The following ZNF197 variants were observed in gnomAD, a reference collection of about 807,000 sequenced individuals.
The protein encoded by ZNF197 is zinc finger protein 197, also known as VHL-associated KRAB-A domain-containing protein.
In ZNF197, 14 loss-of-function variants were observed where a neutral mutation model predicts 27.4. The observed-to-expected ratio is 0.51, with a 90% confidence interval of 0.34 to 0.80. ZNF197 has a LOEUF of 0.80. Among genes scored for constraint, ZNF197 ranks in the 30% least tolerant of loss-of-function variants. The pLI is 0.02. For missense variants in ZNF197, 1,090 were observed against 1,222.6 expected, an observed-to-expected ratio of 0.89 and a Z score of 1.62; for synonymous variants, 415 against 420.0, an observed-to-expected ratio of 0.99 and a Z score of 0.15.
At position 44,644,199 on chromosome 3, in the gene ZNF197, G is replaced by A; in HGVS notation, c.3069G>A (p.Lys1023=). The change falls in exon 6 of 6, where the codon AAG becomes AAA. Residue 1023 remains lysine (K), a synonymous_variant. Coordinates refer to ENST00000344387, the MANE Select transcript of ZNF197 (RefSeq NM_006991.5). ...GGCTACAAAACACCAATGAGTCCAA[G>A]ATTGAGATTCAGAAAATCTAGTGTC... ...FSWLQNTNES[K]IEIQKI The A allele has an allele frequency of 1.9e-6, 3 of 1,593,080 alleles. No homozygotes were observed. The highest frequency in any genetic ancestry group is 2.6e-6 in the Non-Finnish European group (3 of 1,172,332).
chr3:44,632,035 C>G (rs1702043033), intron 3 of ZNF197, 70 bp from the exon 4 acceptor site: 1 of 1,344,010 alleles, frequency 7.4e-7, no homozygotes, highest in Non-Finnish European at 1.1e-6. Context: ...TTGTGTTATT[C>G]CAGCTCTGCA....
rs538397836 is a variant in ZNF197 at position 44,648,449 on chromosome 3, A to G, written c.*4229A>G. 6.6e-4 allele frequency: 101 copies of G among 152,374 alleles called. No individual in the cohort carries two copies. Among genetic ancestry groups the G allele is most frequent in the African/African-American group, 2.2e-3 (93 of 41,588 alleles). The allele number at this position is 152,374 out of a possible 1,614,324, so 9.4% of individuals were successfully genotyped here. ...TCTTCTGTACTCTGATATTTTCAAA[A>G]TAAAACATTTGAGGGGAAATTATCA... On this transcript the variant is annotated 3_prime_UTR_variant, in exon 6 of 6. Transcript: ENST00000344387.
Position 44,644,170 on chromosome 3 carries a change from T to C in ZNF197, c.3040T>C (p.Ser1014Pro), listed in dbSNP as rs774264967. 1.2e-6 allele frequency: 2 copies of C among 1,611,940 alleles called. No individual in the cohort carries two copies. The highest frequency in any genetic ancestry group is 1.1e-5 in the South Asian group (1 of 90,476). The change falls in exon 6 of 6, where the codon TCT becomes CCT. Residue 1014 changes from serine to proline, a missense_variant. Ser to Pro is a moderately conservative substitution (Grantham distance 74). Coordinates refer to ENST00000344387, the MANE Select transcript of ZNF197 (RefSeq NM_006991.5). ...GAAAATCCATACCATTGAGGAATTCTCTTGGCTACAAAACACCAATGAGTC... is the reference window on the plus strand; with the variant it reads ...GAAAATCCATACCATTGAGGAATTCCCTTGGCTACAAAACACCAATGAGTC... ...QQKIHTIEEF[S>P]WLQNTNESKI... is the part of the protein sequence containing the mutation.
At position 44,646,597 on chromosome 3, in the gene ZNF197, A is replaced by G; in HGVS notation, c.*2377A>G. 1.2e-6 allele frequency: 1 copy of G among 868,856 alleles called. No individual in the cohort carries two copies. Among genetic ancestry groups the G allele is most frequent in the Non-Finnish European group, 2.0e-6 (1 of 511,450 alleles). 53.8% of individuals were successfully genotyped at this position (868,856 alleles called of 1,614,324 possible). A position where few individuals can be genotyped will look rare whatever the true frequency, so the allele number is the denominator to read the frequency against. Reference sequence around the variant, plus strand: ...AAGAAAGCTGCCCTGGATTCTTCAAAATATTATTATGATGAAAAAGAGAGG... The same window carrying G: ...AAGAAAGCTGCCCTGGATTCTTCAAGATATTATTATGATGAAAAAGAGAGG... On this transcript the variant is annotated 3_prime_UTR_variant, in exon 6 of 6. Transcript: ENST00000344387.
intron 1 of ZNF197, among the ~76,000 whole-genome samples, chr3:44,625,750 GCA>G (rs56833441): frequency 0.063 from 9,347 of 148,934 alleles, 283 homozygotes; most frequent in South Asian, 0.1. Context: ...GCGCGCGCGC[GCA>G]CACACACACA....
In ZNF197 at chr3:44,645,622, G is replaced by GA. The variant is rs1174881040; in HGVS notation, c.*1409dup. 8 of 985,176 alleles carry GA rather than the reference G, an allele frequency of 8.1e-6. No individual in the cohort carries two copies. Among genetic ancestry groups the GA allele is most frequent in the East Asian group, 1.1e-4 (1 of 8,820 alleles). The allele number at this position is 985,176 out of a possible 1,614,324, so 61.0% of individuals were successfully genotyped here. On this transcript the variant is annotated 3_prime_UTR_variant, in exon 6 of 6. Transcript: ENST00000344387. ...GTACCCTGCTTTCCCTATTCAGAGG[G>GA]AAAAAAATCCTTGACCCGCAGTTGA...
rs750382451 is a variant in ZNF197, at chr3:44,643,337, G to C, written c.2207G>C (p.Cys736Ser). The C allele has an allele frequency of 1.9e-5, 30 of 1,613,894 alleles. No individual in the cohort carries two copies. The highest frequency in any genetic ancestry group is 2.5e-5 in the Non-Finnish European group (29 of 1,179,982). Residue 736 changes from cysteine to serine, a missense_variant, in exon 6 of 6, where the codon TGT (cysteine) becomes TCT (serine). Transcript: ENST00000344387. The part of the protein sequence containing the change: ...KLHTQEKAYK[C>S]EDCGKAFSYN... The stretch of plus-strand genomic sequence containing the variant: ...CATACACAAGAGAAAGCCTACAAAT[G>C]TGAGGATTGTGGGAAGGCTTTCAGT...
Position 44,646,716 on chromosome 3 carries a change from G to A in ZNF197, c.*2496G>A. On this transcript the variant is annotated 3_prime_UTR_variant, in exon 6 of 6. Coordinates refer to ENST00000344387, the MANE Select transcript of ZNF197 (RefSeq NM_006991.5). Reference sequence around the variant, plus strand: ...ATGTATGAAAATTTCGATATGAAAGGTATAAAACATGGATGAGGAGGCTTG... The same window carrying A: ...ATGTATGAAAATTTCGATATGAAAGATATAAAACATGGATGAGGAGGCTTG... The A allele has an allele frequency of 1.9e-6, 1 of 530,812 alleles. No homozygotes were observed. The highest frequency in any genetic ancestry group is 2.8e-5 in the South Asian group (1 of 35,708). The allele number at this position is 530,812 out of a possible 1,614,324, so 32.9% of individuals were successfully genotyped here. A position where few individuals can be genotyped will look rare whatever the true frequency, so the allele number is the denominator to read the frequency against.
At chr3:44,625,778 ACACACACACT>A (rs1216844599) in intron 1 of ZNF197, among the ~76,000 whole-genome samples, 65 of 146,074 alleles carry the variant, frequency 4.4e-4, no homozygotes, top group Non-Finnish European at 7.8e-4. Flanking sequence ...ACACACACAC[ACACACACACT>A]CATTGCCAAC....
At position 44,642,969 on chromosome 3, in the gene ZNF197, G is replaced by A. The variant is rs1702714291; in HGVS notation, c.1839G>A (p.Lys613=). Residue 613 remains lysine, a synonymous_variant, in exon 6 of 6, where the codon AAG becomes AAA. Coordinates refer to ENST00000344387, the MANE Select transcript of ZNF197 (RefSeq NM_006991.5). ...CTAAGTCAAACTTCATTGACCATAA[G>A]AGGATGCACAGCAGAGAGAAACCTT... ...FSSKSNFIDH[K]RMHSREKPYK... is the part of the protein sequence containing the mutation. 1 of 1,613,964 alleles carries A rather than the reference G, an allele frequency of 6.2e-7. No homozygotes were observed. Among genetic ancestry groups the A allele is most frequent in the Non-Finnish European group, 8.5e-7 (1 of 1,179,992 alleles).
rs1338497795 is a variant in ZNF197 at position 44,642,179 on chromosome 3, G to T, written c.1049G>T (p.Ser350Ile). Reference protein sequence around the residue: ...QGQKWKELGDSLTFGSAISES... With the variant: ...QGQKWKELGDILTFGSAISES... The stretch of plus-strand genomic sequence containing the variant: ...CAAAAGTGGAAGGAATTAGGAGACA[G>T]CTTGACTTTCGGTTCAGCTATTTCT... Residue 350 changes from serine (S) to isoleucine (I), a missense_variant, in exon 6 of 6, where the codon AGC becomes ATC. Coordinates refer to ENST00000344387, the MANE Select transcript of ZNF197 (RefSeq NM_006991.5). 1.2e-6 allele frequency: 2 copies of T among 1,614,044 alleles called. No individual in the cohort carries two copies. The highest frequency in any genetic ancestry group is 1.7e-6 in the Non-Finnish European group (2 of 1,180,030).
chr3:44,646,196 T>TGG lies in ZNF197; in HGVS notation c.*1977_*1978insGG. The TGG allele has an allele frequency of 1.0e-6, 1 of 979,502 alleles. No homozygotes were observed. Among genetic ancestry groups the TGG allele is most frequent in the Non-Finnish European group, 1.2e-6 (1 of 824,592 alleles). The allele number at this position is 979,502 out of a possible 1,614,324, so 60.7% of individuals were successfully genotyped here. On this transcript the variant is annotated 3_prime_UTR_variant, in exon 6 of 6. Coordinates refer to ENST00000344387, the MANE Select transcript of ZNF197 (RefSeq NM_006991.5). The stretch of plus-strand genomic sequence containing the variant: ...AAAATCTCTTCAGTTCTTGGAGCCT[T>TGG]GAATTCCTCATCTGTTAAACAGGAG...
chr3:44,636,052 C>G (rs1372085660), intron 5 of ZNF197, among the ~76,000 whole-genome samples: 2 of 152,202 alleles, frequency 1.3e-5, no homozygotes, highest in Non-Finnish European at 2.9e-5. Context: ...TGCCTGTAAT[C>G]CCAGCCGTTT....
chr3:44,631,407 CTT>C (rs777286759), intron 3 of ZNF197, among the ~76,000 whole-genome samples, 186 bp downstream of exon 3: 1 of 147,106 alleles, frequency 6.8e-6, no homozygotes. Flanking sequence ...TACATCCCCC[CTT>C]TTTTTTTTTG....
At chr3:44,632,422 G>T in intron 4 of ZNF197, 51 bp from the exon 5 acceptor site, 1 of 1,546,138 alleles carries the variant, frequency 6.5e-7, no homozygotes, top group Non-Finnish European at 8.7e-7. Context: ...GGAACCTTTC[G>T]ACAGGCAAGT....
chr3:44,627,030 T>C (rs1233711707), intron 1 of ZNF197, among the ~76,000 whole-genome samples: 2 of 152,074 alleles, frequency 1.3e-5, no homozygotes, highest in Non-Finnish European at 2.9e-5. Flanking sequence ...CTAAGACATA[T>C]TATTGAGAAG....
chr3:44,642,520 T>C lies in ZNF197; in HGVS notation c.1390T>C (p.Tyr464His). The C allele has an allele frequency of 6.2e-7, 1 of 1,613,822 alleles. No homozygotes were observed. Among genetic ancestry groups the C allele is most frequent in the South Asian group, 1.1e-5 (1 of 91,070 alleles). The part of the protein sequence containing the change: ...YKCKECGKGF[Y>H]RHSGLIIHLR... ...GTGTAAGGAGTGTGGAAAGGGCTTC[T>C]ATAGGCACTCAGGCCTAATTATACA... The change falls in exon 6 of 6, where the codon TAT (tyrosine) becomes CAT (histidine). Residue 464 changes from tyrosine to histidine, a missense_variant. Tyr to His is a moderately conservative substitution (Grantham distance 83). Coordinates refer to ENST00000344387, the MANE Select transcript of ZNF197 (RefSeq NM_006991.5).
At chr3:44,638,879 A>G (rs1220571603) in intron 5 of ZNF197, among the ~76,000 whole-genome samples, 1 of 151,870 alleles carries the variant, frequency 6.6e-6, no homozygotes, top group Non-Finnish European at 1.5e-5. Flanking sequence ...TTTTTATTTT[A>G]ATTTTATTTT....
chr3:44,645,961 T>C lies in ZNF197; in HGVS notation c.*1741T>C, dbSNP rs182945199. On this transcript the variant is annotated 3_prime_UTR_variant, in exon 6 of 6. Coordinates refer to ENST00000344387, the MANE Select transcript of ZNF197 (RefSeq NM_006991.5). ...AAGTTCTGTTTCTGTAGCTGGACTA[T>C]GAATAATACCTGAATATGAAGATTG... 1.3e-5 allele frequency: 13 copies of C among 985,452 alleles called. No individual in the cohort carries two copies. Among genetic ancestry groups the C allele is most frequent in the Admixed American group, 1.2e-4 (2 of 16,284 alleles). 61.0% of individuals were successfully genotyped at this position (985,452 alleles called of 1,614,324 possible). A position where few individuals can be genotyped will look rare whatever the true frequency, so the allele number is the denominator to read the frequency against.
Sources: allele counts gnomAD v4.1 joint callset (sites outside exome capture counted in the v4.1 genomes callset), GRCh38; gene constraint gnomAD v4.1.1; transcripts MANE v1.5; gene names NCBI Gene and HGNC (gene_info 2026-07-23, HGNC 2026-07-21).